Variants in ASMTL observed in about 807,000 individuals in gnomAD.
ASMTL encodes the protein probable bifunctional dTTP/UTP pyrophosphatase/methyltransferase protein.
Under a neutral mutation model 60.3 loss-of-function variants are expected in ASMTL, and 57 were observed. The ratio of observed to expected loss-of-function variants is 0.95; its 90% CI spans 0.76 to 1.18. ASMTL has a LOEUF of 1.18. ASMTL is among the 50% of genes most tolerant of loss of function. The pLI is 0.00. For missense variants in ASMTL, 981 were observed against 852.6 expected (o/e 1.15, Z -1.88); for synonymous variants, 419 against 373.0 (o/e 1.12, Z -1.42).
intron 10 of ASMTL, among the ~76,000 whole-genome samples, chrX:1,418,326 T>G (rs1171083701): frequency 7.2e-5 from 11 of 152,064 alleles, no homozygotes; most frequent in Non-Finnish European, 2.9e-5. Context: ...AGGGAAATCC[T>G]TCCAGCCCAG....
intron 1 of ASMTL, among the ~76,000 whole-genome samples, chrX:1,449,761 CCCCA>C (rs2091311100): frequency 7.0e-6 from 1 of 143,078 alleles, no homozygotes; most frequent in Admixed American, 7.0e-5. Flanking sequence ...AGTAACTATG[CCCCA>C]TCATCACCAG....
intron 6 of ASMTL, among the ~76,000 whole-genome samples, chrX:1,429,125 C>A (rs1330666148): frequency 6.6e-6 from 1 of 151,430 alleles, no homozygotes; most frequent in Non-Finnish European, 1.5e-5. Flanking sequence ...GAACTCCTGA[C>A]CTCAGGTGAT....
At chrX:1,411,874 G>A (rs1367093483) in intron 12 of ASMTL, among the ~76,000 whole-genome samples, 5 of 139,366 alleles carry the variant, frequency 3.6e-5, no homozygotes, top group East Asian at 4.7e-4. Flanking sequence ...GTGCGGTGGC[G>A]CAGTCTCGGC....
At position 1,428,016 on chromosome X, in the gene ASMTL, G is replaced by A; in HGVS notation, c.615C>T (p.Cys205=). ...NVVGFPLNHF[C]KQLVKLYYPP... is the part of the protein sequence containing the mutation. ...GGTAGTAGAGCTTCACCAGCTGCTT[G>A]CAGAAGTGGTTCAGCGGGAATCCCA... Residue 205 remains cysteine (C), a synonymous_variant, in exon 7 of 13, where the codon TGC becomes TGT. Coordinates refer to ENST00000381317, the MANE Select transcript of ASMTL (RefSeq NM_004192.4). 6.2e-7 allele frequency: 1 copy of A among 1,613,680 alleles called. No homozygotes were observed. The highest frequency in any genetic ancestry group is 1.3e-5 in the African/African-American group (1 of 75,064).
At position 1,425,631 on chromosome X, in the gene ASMTL, G is replaced by C. The variant is rs368443415; in HGVS notation, c.954C>G (p.Pro318=). ...KVFDLLKDEA[P]QKAADIASKV... ...TGCTGGCAATATCCGCAGCCTTCTG[G>C]GGTGCTTCATCTTTTAACAAATCGA... Residue 318 remains proline (P), a synonymous_variant, in exon 8 of 13, where the codon CCC becomes CCG. Transcript: ENST00000381317. 1.2e-6 allele frequency: 2 copies of C among 1,613,620 alleles called. No homozygotes were observed. The highest frequency in any genetic ancestry group is 2.7e-5 in the African/African-American group (2 of 74,908).
At chrX:1,415,214 T>TCCAGGTGTGAGCCTGGGCATGTGGC (rs1556655725) in intron 11 of ASMTL, among the ~76,000 whole-genome samples, 1 of 151,808 alleles carries the variant, frequency 6.6e-6, no homozygotes, top group Non-Finnish European at 1.5e-5. Context: ...GGGCTGGGAT[T>TCCAGGTGTGAGCCTGGGCATGTGGC]CCAGGCGTCT....
chrX:1,442,802 C>T (rs2091135654), intron 1 of ASMTL, among the ~76,000 whole-genome samples: 1 of 152,140 alleles, frequency 6.6e-6, no homozygotes, highest in Non-Finnish European at 1.5e-5. Context: ...CCCTGGTACC[C>T]AGGAAGAGAC....
At chrX:1,414,549 A>C (rs1409550709) in intron 11 of ASMTL, among the ~76,000 whole-genome samples, 4 of 152,138 alleles carry the variant, frequency 2.6e-5, no homozygotes, top group African/African-American at 9.7e-5. Flanking sequence ...CTGTACTAAA[A>C]ATACAAAAGT....
intron 8 of ASMTL, 65 bp from the exon 9 acceptor site, chrX:1,421,907 G>A: frequency 1.4e-6 from 2 of 1,466,582 alleles, no homozygotes; most frequent in African/African-American, 1.4e-5. Flanking sequence ...TGACCGTAGG[G>A]GATGTATCAT....
At chrX:1,451,400 TG>T (rs2063149633) in intron 1 of ASMTL, among the ~76,000 whole-genome samples, 1 of 127,974 alleles carries the variant, frequency 7.8e-6, no homozygotes, top group Non-Finnish European at 1.7e-5. Flanking sequence ...TAGGGGGTCC[TG>T]GGTCACTCTC....
intron 2 of ASMTL, 53 bp downstream of exon 2, chrX:1,442,133 C>T: frequency 5.0e-6 from 8 of 1,595,690 alleles, no homozygotes; most frequent in Middle Eastern, 4.3e-4. Flanking sequence ...CCGCAAATCC[C>T]CTCATCACAG....
chrX:1,412,684 A>T (rs1399357180), intron 12 of ASMTL, 48 bp downstream of exon 12: 1 of 1,612,682 alleles, frequency 6.2e-7, no homozygotes, highest in Non-Finnish European at 8.5e-7. Context: ...CTTGAACCCA[A>T]AATACTACGT....
chrX:1,425,608 C>T lies in ASMTL; in HGVS notation c.977G>A (p.Ser326Asn), dbSNP rs374233027. 5.6e-6 allele frequency: 9 copies of T among 1,613,714 alleles called. No individual in the cohort carries two copies. The African/African-American group carries it at 6.7e-5, about 12-fold the overall frequency. Residue 326 changes from serine (S) to asparagine (N), a missense_variant, in exon 8 of 13, where the codon AGC becomes AAC. Physicochemically the swap from Ser to Asn is conservative, Grantham distance 46. Coordinates refer to ENST00000381317, the MANE Select transcript of ASMTL (RefSeq NM_004192.4). Reference sequence around the variant, plus strand: ...TCCACACGCAGAGGCGTCCACTTTGCTGGCAATATCCGCAGCCTTCTGGGG... The same window carrying T: ...TCCACACGCAGAGGCGTCCACTTTGTTGGCAATATCCGCAGCCTTCTGGGG... ...EAPQKAADIA[S>N]KVDASACGME... is the part of the protein sequence containing the mutation.
chrX:1,432,264 C>T lies in ASMTL; in HGVS notation c.509+5G>A. ...CCCCGTCCCCCCACCGCCCCCGAGA[C>T]TCACATGGGCTCCCCGCTGTGGACG... On this transcript the variant is annotated splice_donor_5th_base_variant and intron_variant, in intron 6 of 12. Transcript: ENST00000381317. 3.1e-6 allele frequency: 5 copies of T among 1,606,322 alleles called. No individual in the cohort carries two copies. Among genetic ancestry groups the T allele is most frequent in the Non-Finnish European group, 4.3e-6 (5 of 1,174,642 alleles).
intron 1 of ASMTL, among the ~76,000 whole-genome samples, chrX:1,452,002 A>C (rs2091403127): frequency 8.2e-6 from 1 of 121,338 alleles, no homozygotes; most frequent in Admixed American, 8.5e-5. Context: ...AGGGGGTCCC[A>C]GGTTACAGGT....
intron 11 of ASMTL, 132 bp downstream of exon 11, chrX:1,417,841 C>T (rs2090352392): frequency 1.7e-6 from 2 of 1,173,012 alleles, no homozygotes; most frequent in South Asian, 3.3e-5. Context: ...TAGACAGTCC[C>T]ATTTGCACAC....
intron 6 of ASMTL, among the ~76,000 whole-genome samples, chrX:1,431,115 T>A (rs1297078809): frequency 2.4e-5 from 3 of 124,748 alleles, no homozygotes; most frequent in Admixed American, 1.8e-4. Flanking sequence ...TTATATTTTA[T>A]AATATATAAT....
chrX:1,428,147 G>A, intron 6 of ASMTL, 26 bp from the exon 7 acceptor site: 2 of 1,579,480 alleles, frequency 1.3e-6, no homozygotes, highest in Non-Finnish European at 8.6e-7. Context: ...AAGGTAAGAG[G>A]TGACAAGGAG....
At chrX:1,414,897 T>C (rs1233185892) in intron 11 of ASMTL, among the ~76,000 whole-genome samples, 1 of 152,044 alleles carries the variant, frequency 6.6e-6, no homozygotes, top group African/African-American at 2.4e-5. Flanking sequence ...GCCTGGCCGC[T>C]GTCGGATGGT....
Sources: allele counts gnomAD v4.1 joint callset (sites outside exome capture counted in the v4.1 genomes callset), GRCh38; gene constraint gnomAD v4.1.1; transcripts MANE v1.5; gene names NCBI Gene and HGNC (gene_info 2026-07-23, HGNC 2026-07-21).